The following GRIN1 variants were observed in gnomAD, a reference collection of about 807,000 sequenced individuals.
The protein encoded by GRIN1 is glutamate ionotropic receptor NMDA type subunit 1, also known as glutamate receptor ionotropic, NMDA 1.
A neutral mutation model predicts 103.0 loss-of-function variants in GRIN1; 38 were observed. That is an observed-to-expected ratio of 0.37 (90% CI 0.28 to 0.48). GRIN1 has a LOEUF of 0.48. Ranked by LOEUF, GRIN1 falls within the 20% of genes least tolerant of loss-of-function variation. The pLI is 0.98. For missense variants in GRIN1, 577 were observed against 1,288.9 expected (o/e 0.45, Z 8.46); for synonymous variants, 544 against 532.7 (o/e 1.02, Z -0.29).
At chr9:137,163,050 G>C (rs201440873) in intron 15 of GRIN1, 47 bp downstream of exon 15, 1 of 1,557,610 alleles carries the variant, frequency 6.4e-7, no homozygotes, top group Admixed American at 1.9e-5. Flanking sequence ...GGTGCGGGGA[G>C]GGGGAGGGTG....
At position 137,146,923 on chromosome 9, in the gene GRIN1, C is replaced by T. The variant is rs1446518647; in HGVS notation, c.570+1021C>T. ...GACCAGAGGGTCCTGGGAGTACTGTCGTGGGGGGTCTGCTGAGTCTTGGGG... is the reference window on the plus strand; with the variant it reads ...GACCAGAGGGTCCTGGGAGTACTGTTGTGGGGGGTCTGCTGAGTCTTGGGG... On this transcript the variant is annotated intron_variant, in intron 3 of 19. Transcript: ENST00000371561. The surrounding 1 kb of genome is among the most constrained non-coding windows in gnomAD (Gnocchi z 6.7). 1.3e-5 allele frequency among the ~76,000 whole-genome samples: 2 copies of T among 151,810 alleles called. No individual in the cohort carries two copies. Among genetic ancestry groups the T allele is most frequent in the African/African-American group, 2.4e-5 (1 of 41,272 alleles).
chr9:137,162,339 C>T (rs768276721), intron 12 of GRIN1, 49 bp downstream of exon 12: 150 of 1,544,096 alleles, frequency 9.7e-5, no homozygotes, highest in Non-Finnish European at 1.3e-4. Context: ...GGCGCGGAGC[C>T]GGCCAGGGGC....
In GRIN1 at chr9:137,163,112, CG is replaced by C. The variant is rs1477270596; in HGVS notation, c.2172-56del. ...GGCCGGGCACCCCGGAGGGCGCGGGCGTGGGGCTTCCAGGCTGGCAGGACCA... is the reference window on the plus strand; with the variant it reads ...GGCCGGGCACCCCGGAGGGCGCGGGCTGGGGCTTCCAGGCTGGCAGGACCA... On this transcript the variant is annotated intron_variant, in intron 15 of 19. Coordinates refer to ENST00000371561, the MANE Select transcript of GRIN1 (RefSeq NM_007327.4). 1.2e-5 allele frequency: 19 copies of C among 1,598,810 alleles called. No individual in the cohort carries two copies. The East Asian group carries it at 4.3e-4, about 36-fold the overall frequency.
At chr9:137,152,829 T>A (rs1242036082) in intron 4 of GRIN1, among the ~76,000 whole-genome samples, 1 of 151,426 alleles carries the variant, frequency 6.6e-6, no homozygotes, top group Non-Finnish European at 1.5e-5. Context: ...AATGCATGTA[T>A]ACACACTATA....
At chr9:137,141,677 G>A (rs1215733127) in intron 1 of GRIN1, among the ~76,000 whole-genome samples, 1 of 152,144 alleles carries the variant, frequency 6.6e-6, no homozygotes, top group Non-Finnish European at 1.5e-5. Flanking sequence ...TCATGATGCA[G>A]GACCAGCCAT....
chr9:137,162,420 A>C lies in GRIN1; in HGVS notation c.1768A>C (p.Lys590Gln). Reference protein sequence around the residue: ...LDRFSPFGRFKVNSEEEEEDA... With the variant: ...LDRFSPFGRFQVNSEEEEEDA... Reference sequence around the variant, plus strand: ...GCCCCGCAGCCCCTTCGGCCGGTTCAAGGTGAACAGCGAGGAGGAGGAGGA... The same window carrying C: ...GCCCCGCAGCCCCTTCGGCCGGTTCCAGGTGAACAGCGAGGAGGAGGAGGA... The change falls in exon 13 of 20, where the codon AAG becomes CAG. Residue 590 changes from lysine to glutamine, a missense_variant. Physicochemically the swap from Lys to Gln is moderately conservative, Grantham distance 53. This residue lies in a region of GRIN1 where 15 missense variants were observed against 26.4 expected (regional missense o/e 0.57). Coordinates refer to ENST00000371561, the MANE Select transcript of GRIN1 (RefSeq NM_007327.4). The C allele has an allele frequency of 6.2e-7, 1 of 1,607,434 alleles. No individual in the cohort carries two copies. The highest frequency in any genetic ancestry group is 8.5e-7 in the Non-Finnish European group (1 of 1,179,644).
Position 137,158,517 on chromosome 9 carries a change from C to T in GRIN1, c.1107C>T (p.Gly369=), listed in dbSNP as rs1442242648. ...TGGTGCAAGTGGGCATCTACAATGG[C>T]ACCCACGTAGGTGGGGGTCATGAGG... The part of the protein sequence containing the change: ...RKLVQVGIYN[G]THVIPNDRKI... Residue 369 remains glycine, a synonymous_variant, in exon 7 of 20, where the codon GGC becomes GGT. Transcript: ENST00000371561. 6.2e-7 allele frequency: 1 copy of T among 1,612,670 alleles called. No homozygotes were observed. Among genetic ancestry groups the T allele is most frequent in the Non-Finnish European group, 8.5e-7 (1 of 1,179,612 alleles).
Position 137,149,052 on chromosome 9 carries a change from C to T in GRIN1, c.614C>T (p.Thr205Met), listed in dbSNP as rs201592328. 43 of 1,613,644 alleles carry T rather than the reference C, an allele frequency of 2.7e-5. No individual in the cohort carries two copies. The Admixed American group carries it at 4.5e-4, about 17-fold the overall frequency. ...LQFDPGTKNV[T>M]ALLMEAKELE... The stretch of plus-strand genomic sequence containing the variant: ...TTTGACCCAGGGACCAAGAACGTGA[C>T]GGCCCTGCTGATGGAGGCGAAAGAG... Residue 205 changes from threonine to methionine, a missense_variant, in exon 4 of 20, where the codon ACG (threonine) becomes ATG (methionine). Thr to Met is a moderately conservative substitution (Grantham distance 81). This residue lies in a region of GRIN1 where 308 missense variants were observed against 553.6 expected (regional missense o/e 0.56). Coordinates refer to ENST00000371561, the MANE Select transcript of GRIN1 (RefSeq NM_007327.4).
At position 137,164,774 on chromosome 9, in the gene GRIN1, G is replaced by A. The variant is rs1001906434; in HGVS notation, c.2590-412G>A. 14 of 248,182 alleles carry A rather than the reference G, an allele frequency of 5.6e-5. No homozygotes were observed. The Admixed American group carries it at 6.5e-4, about 12-fold the overall frequency. The allele number at this position is 248,182 out of a possible 1,614,324, so 15.4% of individuals were successfully genotyped here. ...ACCTCGACACCTGCCTCCAGCCCTC[G>A]GCCCCTTCCTGAATCTTGGTGTGTG... On this transcript the variant is annotated intron_variant, in intron 18 of 19. Transcript: ENST00000371561.
rs1225651021 is a variant in GRIN1 at position 137,168,554 on chromosome 9, G to A, written c.*1027G>A. 1 of 256,732 alleles carries A rather than the reference G, an allele frequency of 3.9e-6. No homozygotes were observed. Among genetic ancestry groups the A allele is most frequent in the Non-Finnish European group, 7.3e-6 (1 of 136,926 alleles). 15.9% of individuals were successfully genotyped at this position (256,732 alleles called of 1,614,324 possible). A position where few individuals can be genotyped will look rare whatever the true frequency, so the allele number is the denominator to read the frequency against. The stretch of plus-strand genomic sequence containing the variant: ...CCTTGGGCACGGGAGAGCGCCACCC[G>A]CCCGCCCCCGCCCTCGCTCCGGGTG... On this transcript the variant is annotated 3_prime_UTR_variant, in exon 20 of 20. Transcript: ENST00000371561.
chr9:137,167,647 A>G lies in GRIN1; in HGVS notation c.*120A>G. ...ACGGGGTCGGGGGAGGAGCACCCCCAGCCTCCCCCAGGCTGCGCCTGCCCG... is the reference window on the plus strand; with the variant it reads ...ACGGGGTCGGGGGAGGAGCACCCCCGGCCTCCCCCAGGCTGCGCCTGCCCG... On this transcript the variant is annotated 3_prime_UTR_variant, in exon 20 of 20. Transcript: ENST00000371561. The G allele has an allele frequency of 6.7e-7, 1 of 1,496,184 alleles. No individual in the cohort carries two copies. The highest frequency in any genetic ancestry group is 8.9e-7 in the Non-Finnish European group (1 of 1,121,330). The allele number at this position is 1,496,184 out of a possible 1,614,324, so 92.7% of individuals were successfully genotyped here.
intron 4 of GRIN1, among the ~76,000 whole-genome samples, chr9:137,155,785 G>T (rs936392730): frequency 6.6e-6 from 1 of 152,198 alleles, no homozygotes; most frequent in African/African-American, 2.4e-5. Flanking sequence ...TGTCCACAGG[G>T]GCCCACCTGC....
intron 18 of GRIN1, 31 bp downstream of exon 18, chr9:137,163,935 C>T (rs1165109381): frequency 1.2e-6 from 2 of 1,610,262 alleles, no homozygotes; most frequent in Middle Eastern, 1.6e-4. Flanking sequence ...AGGCCTGGTG[C>T]CCAGGGCCCG....
chr9:137,156,745 G>A lies in GRIN1; in HGVS notation c.748G>A (p.Gly250Ser). 1 of 1,586,380 alleles carries A rather than the reference G, an allele frequency of 6.3e-7. No homozygotes were observed. The highest frequency in any genetic ancestry group is 8.6e-7 in the Non-Finnish European group (1 of 1,167,850). Residue 250 changes from glycine to serine, a missense_variant, in exon 5 of 20, where the codon GGC (glycine) becomes AGC (serine). By Grantham distance (56) the Gly-to-Ser change is moderately conservative. Transcript: ENST00000371561. ...GGGCTCCGGGTACGTGTGGCTGGTC[G>A]GCGAGCGCGAGATCTCGGGGAACGC... is the stretch of plus-strand genomic sequence containing the variant. ...MTGSGYVWLV[G>S]EREISGNALR...
At chr9:137,152,670 C>T (rs1160679131) in intron 4 of GRIN1, among the ~76,000 whole-genome samples, 1 of 152,126 alleles carries the variant, frequency 6.6e-6, no homozygotes, top group Admixed American at 6.5e-5. Context: ...GCCAAGGTCA[C>T]GTTTCCAGAC....
chr9:137,162,381 C>A (rs1233191919), intron 12 of GRIN1, 23 bp from the exon 13 acceptor site: 4 of 1,581,446 alleles, frequency 2.5e-6, no homozygotes, highest in Non-Finnish European at 2.6e-6. Flanking sequence ...CCCTCTCTCC[C>A]GCCCGCCCTC....
rs1453519467 is a variant in GRIN1 at position 137,164,013 on chromosome 9, G to A, written c.2589+109G>A. The A allele has an allele frequency of 4.6e-6, 6 of 1,308,028 alleles. No individual in the cohort carries two copies. The African/African-American group carries it at 5.8e-5, about 13-fold the overall frequency. 81.0% of individuals were successfully genotyped at this position (1,308,028 alleles called of 1,614,324 possible). On this transcript the variant is annotated intron_variant, in intron 18 of 19. Coordinates refer to ENST00000371561, the MANE Select transcript of GRIN1 (RefSeq NM_007327.4). Reference sequence around the variant, plus strand: ...GGCTCTGGCTCTGGTGGGCAGGACTGGAGCTAGGAGCCATGGCCAGGGGCA... The same window carrying A: ...GGCTCTGGCTCTGGTGGGCAGGACTAGAGCTAGGAGCCATGGCCAGGGGCA...
intron 4 of GRIN1, among the ~76,000 whole-genome samples, chr9:137,149,907 C>A (rs779942565): frequency 3.9e-5 from 6 of 152,174 alleles, no homozygotes; most frequent in Non-Finnish European, 7.3e-5. Flanking sequence ...GCCGGCGACA[C>A]TCTCAGTCCC....
At position 137,162,615 on chromosome 9, in the gene GRIN1, G is replaced by A; in HGVS notation, c.1889G>A (p.Arg630His). The A allele has an allele frequency of 6.2e-7, 1 of 1,612,470 alleles. No individual in the cohort carries two copies. Among genetic ancestry groups the A allele is most frequent in the Non-Finnish European group, 8.5e-7 (1 of 1,179,724 alleles). ...GEGAPRSFSA[R>H]ILGMVWAGFA... ...GGCGCCCCCAGAAGCTTCTCAGCGC[G>A]CATCCTGGGCATGGTGTGGGCCGGC... The change falls in exon 14 of 20, where the codon CGC becomes CAC. Residue 630 changes from arginine to histidine, a missense_variant. By Grantham distance (29) the Arg-to-His change is conservative. This residue lies in a region of GRIN1 where 4 missense variants were observed against 83.6 expected (regional missense o/e 0.05). Transcript: ENST00000371561.
Sources: allele counts gnomAD v4.1 joint callset (sites outside exome capture counted in the v4.1 genomes callset), GRCh38; gene constraint gnomAD v4.1.1; regional missense constraint gnomAD v4.1.1; non-coding constraint Gnocchi (gnomAD v3.1); transcripts MANE v1.5; gene names NCBI Gene and HGNC (gene_info 2026-07-23, HGNC 2026-07-21).